Variants in DPP10 observed in about 807,000 individuals in gnomAD.
The protein encoded by DPP10 is dipeptidyl peptidase like 10.
In DPP10, 33 loss-of-function variants were observed where a neutral mutation model predicts 120.9. The observed-to-expected ratio is 0.27, with a 90% CI of 0.21 to 0.37. DPP10 has a LOEUF of 0.37. DPP10 is among the 10% of genes least tolerant of loss of function. The pLI is 1.00. For synonymous variants in DPP10, 337 were observed against 326.1 expected, an observed-to-expected ratio of 1.03 and a Z score of -0.36; for missense variants, 816 against 942.8, an observed-to-expected ratio of 0.87 and a Z score of 1.76.
intron 3 of DPP10, among the ~76,000 whole-genome samples, chr2:115,488,975 A>G (rs1033475691): frequency 6.6e-6 from 1 of 152,064 alleles, no homozygotes; most frequent in Non-Finnish European, 1.5e-5. Context: ...GTGTATGGCT[A>G]TTTTGGAAAT....
intron 8 of DPP10, among the ~76,000 whole-genome samples, chr2:115,735,196 A>G (rs1048625752): frequency 9.9e-5 from 15 of 152,200 alleles, no homozygotes; most frequent in African/African-American, 2.7e-4. Context: ...TTATTATTCA[A>G]ATTAAAAGCT....
intron 1 of DPP10, among the ~76,000 whole-genome samples, chr2:114,890,503 C>A (rs1444079018): frequency 6.6e-6 from 1 of 152,128 alleles, no homozygotes; most frequent in Non-Finnish European, 1.5e-5. Flanking sequence ...AACATATTTG[C>A]ATTGGATCCA....
At chr2:115,647,180 G>A (rs2087336327) in intron 5 of DPP10, among the ~76,000 whole-genome samples, 1 of 152,076 alleles carries the variant, frequency 6.6e-6, no homozygotes, top group South Asian at 2.1e-4. Flanking sequence ...CCTTTGCTTA[G>A]TGTGACACAA....
At chr2:115,553,863 T>C (rs1050050692) in intron 5 of DPP10, among the ~76,000 whole-genome samples, 4 of 151,860 alleles carry the variant, frequency 2.6e-5, no homozygotes, top group Non-Finnish European at 4.4e-5. Flanking sequence ...ATTCTTATTA[T>C]ACTATTCAAA....
chr2:115,577,661 C>T (rs2081759427), intron 5 of DPP10, among the ~76,000 whole-genome samples: 1 of 151,988 alleles, frequency 6.6e-6, no homozygotes, highest in African/African-American at 2.4e-5. Context: ...TCAAGGTGCC[C>T]ACAGGGTTGG....
chr2:114,985,977 T>C (rs1700370097), intron 1 of DPP10, among the ~76,000 whole-genome samples: 1 of 152,242 alleles, frequency 6.6e-6, no homozygotes, highest in Non-Finnish European at 1.5e-5. Flanking sequence ...TGGAATATCT[T>C]GATTCTCAAT....
intron 1 of DPP10, among the ~76,000 whole-genome samples, chr2:114,905,804 T>C (rs1350854850): frequency 1.3e-5 from 2 of 152,198 alleles, no homozygotes; most frequent in East Asian, 1.9e-4. Flanking sequence ...GGCCTCAATC[T>C]CCCAAAGTGT....
At chr2:114,926,999 C>G (rs1356471125) in intron 1 of DPP10, among the ~76,000 whole-genome samples, 1 of 151,744 alleles carries the variant, frequency 6.6e-6, no homozygotes, top group East Asian at 2.0e-4. Flanking sequence ...TACTCGGGCC[C>G]CCACCACGCC....
intron 1 of DPP10, among the ~76,000 whole-genome samples, chr2:115,296,709 TTC>T (rs2060899996): frequency 1.3e-5 from 2 of 152,108 alleles, no homozygotes; most frequent in Non-Finnish European, 2.9e-5. Context: ...AAATATAATT[TTC>T]TCTTTTGTTC....
chr2:115,386,104 TCTC>T (rs2066910851), intron 3 of DPP10, among the ~76,000 whole-genome samples: 1 of 152,120 alleles, frequency 6.6e-6, no homozygotes, highest in Admixed American at 6.5e-5. Flanking sequence ...CACTCATAAA[TCTC>T]CTAGAAAATT....
intron 1 of DPP10, among the ~76,000 whole-genome samples, chr2:114,593,045 C>T (rs978610831): frequency 6.6e-6 from 1 of 152,126 alleles, no homozygotes; most frequent in Non-Finnish European, 1.5e-5. Context: ...CAAAAAAATG[C>T]TTTTTCTCTC....
chr2:114,862,503 T>G (rs1689891060), intron 1 of DPP10, among the ~76,000 whole-genome samples: 1 of 152,158 alleles, frequency 6.6e-6, no homozygotes, highest in Non-Finnish European at 1.5e-5. Flanking sequence ...GACTGTGATT[T>G]TCTCTCCTGT....
intron 2 of DPP10, among the ~76,000 whole-genome samples, chr2:115,317,893 A>G (rs1447795229): frequency 2.0e-5 from 3 of 152,038 alleles, no homozygotes; most frequent in African/African-American, 4.8e-5. Context: ...ATTTTCATAT[A>G]CTTTCTTCTA....
At chr2:115,742,257 G>A (rs1677369583) in intron 9 of DPP10, among the ~76,000 whole-genome samples, 1 of 151,956 alleles carries the variant, frequency 6.6e-6, no homozygotes, top group African/African-American at 2.4e-5. Flanking sequence ...AACTCCCACA[G>A]GTCAACAATT....
At chr2:115,270,743 A>G (rs2059664315) in intron 1 of DPP10, among the ~76,000 whole-genome samples, 1 of 152,244 alleles carries the variant, frequency 6.6e-6, no homozygotes. Flanking sequence ...CTCATTGCAG[A>G]TACTAGTAAT....
chr2:114,755,142 G>A (rs1679609273), intron 1 of DPP10, among the ~76,000 whole-genome samples: 1 of 152,188 alleles, frequency 6.6e-6, no homozygotes, highest in South Asian at 2.1e-4. Context: ...AAGTATAAAG[G>A]AGAAATCTTA....
At chr2:115,603,886 CAG>C (rs2083524557) in intron 5 of DPP10, among the ~76,000 whole-genome samples, 1 of 152,026 alleles carries the variant, frequency 6.6e-6, no homozygotes, top group Non-Finnish European at 1.5e-5. Flanking sequence ...ATGCTTGCTG[CAG>C]AGTTATCTAT....
chr2:115,718,211 A>T (rs563485257), intron 7 of DPP10, among the ~76,000 whole-genome samples: 1 of 151,868 alleles, frequency 6.6e-6, no homozygotes, highest in Non-Finnish European at 1.5e-5. Flanking sequence ...TCAAACATCT[A>T]TGTACAGGTA....
intron 1 of DPP10, among the ~76,000 whole-genome samples, chr2:115,148,450 C>T (rs2051350346): frequency 6.6e-6 from 1 of 152,082 alleles, no homozygotes; most frequent in South Asian, 2.1e-4. Context: ...AAAGAATAAA[C>T]AGTGTCTGCA....
Sources: gnomAD v4.1 joint callset for allele counts (sites outside exome capture counted in the v4.1 genomes callset) on GRCh38, gnomAD v4.1.1 for gene constraint, MANE v1.5 for transcripts, NCBI Gene and HGNC (gene_info 2026-07-23, HGNC 2026-07-21) for gene names.